Variants in FMN1 observed in about 807,000 individuals in gnomAD.
FMN1 encodes the protein formin-1.
FMN1 carries 110 observed loss-of-function variants against 132.4 expected under a neutral mutation model. The ratio of observed to expected loss-of-function variants is 0.83; its 90% CI spans 0.71 to 0.97. The LOEUF is 0.97. Among genes scored for constraint, FMN1 ranks in the 50% least tolerant of loss-of-function variants. The pLI, the probability that FMN1 is intolerant of heterozygous loss-of-function variation, is 0.00. For synonymous variants in FMN1, 722 were observed against 651.7 expected (o/e 1.11, Z -1.64); for missense variants, 1,792 against 1,705.3 (o/e 1.05, Z -0.90).
intron 11 of FMN1, 142 bp from the exon 12 acceptor site, chr15:32,908,720 A>T: frequency 3.3e-6 from 2 of 607,994 alleles, no homozygotes; most frequent in Non-Finnish European, 5.7e-6. Context: ...ACTTGTCAGA[A>T]ATGCAAATTA....
intron 9 of FMN1, among the ~76,000 whole-genome samples, chr15:32,949,561 G>A (rs916133256): frequency 2.6e-5 from 4 of 151,792 alleles, no homozygotes; most frequent in African/African-American, 9.7e-5. Flanking sequence ...AATTCAAGAT[G>A]GATTAAACAT....
At chr15:32,829,231 A>C (rs1366270716) in intron 17 of FMN1, among the ~76,000 whole-genome samples, 1 of 152,242 alleles carries the variant, frequency 6.6e-6, no homozygotes, top group Admixed American at 6.5e-5. Flanking sequence ...TTTGCCATGC[A>C]ATATATAATC....
rs575486046 is a variant in FMN1, at chr15:32,930,450, AG to A, written c.3139-4190del. ...GACAGTGGCCATTCTGACACGTGTG[AG>A]GGGTTATCTCATTGTGATTTTGAAT... On this transcript the variant is annotated intron_variant, in intron 9 of 20. Transcript: ENST00000616417. Among the ~76,000 whole-genome samples, 168 of 150,596 alleles carry A rather than the reference AG, an allele frequency of 1.1e-3. 1 individual carries two copies. The highest frequency in any genetic ancestry group is 4.0e-3 in the African/African-American group (162 of 40,906).
At chr15:33,016,535 G>A (rs1242354732) in intron 6 of FMN1, among the ~76,000 whole-genome samples, 2 of 152,180 alleles carry the variant, frequency 1.3e-5, no homozygotes, top group African/African-American at 2.4e-5. Flanking sequence ...AACAGTGGAG[G>A]TAGATTCAAA....
intron 16 of FMN1, among the ~76,000 whole-genome samples, chr15:32,862,560 T>C (rs965217334): frequency 2.0e-5 from 3 of 152,198 alleles, no homozygotes; most frequent in African/African-American, 7.2e-5. Context: ...TTTCAGATAT[T>C]AGGCTGTTAA....
chr15:32,915,528 G>A (rs1993133), intron 10 of FMN1, among the ~76,000 whole-genome samples: 39,419 of 152,172 alleles, frequency 0.26, 5,531 homozygotes, highest in Non-Finnish European at 0.32. Flanking sequence ...CTCACTTTCT[G>A]TCTCTGTCTC....
At chr15:33,179,398 A>C (rs941200428) in intron 3 of FMN1, among the ~76,000 whole-genome samples, 2 of 152,206 alleles carry the variant, frequency 1.3e-5, no homozygotes, top group African/African-American at 4.8e-5. Context: ...TGAAAAAAAT[A>C]TATTTTTGCT....
intron 7 of FMN1, among the ~76,000 whole-genome samples, chr15:33,004,611 AT>A (rs1158293299): frequency 1.3e-5 from 2 of 152,212 alleles, no homozygotes; most frequent in African/African-American, 4.8e-5. Context: ...CAGTTCAACC[AT>A]TGTGGAAGTC....
chr15:33,091,276 CACAT>C (rs1313524176), intron 4 of FMN1, among the ~76,000 whole-genome samples: 2 of 152,156 alleles, frequency 1.3e-5, no homozygotes, highest in African/African-American at 2.4e-5. Flanking sequence ...CCTTGAAACA[CACAT>C]GCATGCATAT....
At chr15:32,994,322 G>T (rs2140875031) in intron 7 of FMN1, among the ~76,000 whole-genome samples, 1 of 151,754 alleles carries the variant, frequency 6.6e-6, no homozygotes, top group South Asian at 2.1e-4. Context: ...GTATAAAAAG[G>T]TTGAAAAAAT....
intron 16 of FMN1, among the ~76,000 whole-genome samples, chr15:32,868,032 T>C (rs1260494875): frequency 6.6e-6 from 1 of 152,196 alleles, no homozygotes; most frequent in Non-Finnish European, 1.5e-5. Flanking sequence ...AACTTACACA[T>C]GTGCAGTATG....
intron 4 of FMN1, among the ~76,000 whole-genome samples, chr15:33,109,521 G>A (rs143741806): frequency 0.04 from 6,137 of 152,110 alleles, 147 homozygotes; most frequent in South Asian, 0.098. Flanking sequence ...AAAAAAGAAT[G>A]AAATCATGTC....
intron 7 of FMN1, among the ~76,000 whole-genome samples, chr15:32,974,635 G>C (rs1275120310): frequency 6.6e-6 from 1 of 152,322 alleles, no homozygotes; most frequent in South Asian, 2.1e-4. Context: ...TAATCAATCT[G>C]AGATGATGCC....
At chr15:33,191,651 C>A (rs1966083068) in intron 2 of FMN1, among the ~76,000 whole-genome samples, 1 of 152,214 alleles carries the variant, frequency 6.6e-6, no homozygotes, top group Non-Finnish European at 1.5e-5. Flanking sequence ...CAGACCCTTG[C>A]TTTTATGCGC....
rs114145703 is a variant in FMN1 at position 32,847,958 on chromosome 15, T to C, written c.3928+9057A>G. ...GATCTCAAGATATAAATGACTGAGA[T>C]TTGGTTCTATGTTTGTGATTAGGTT... On this transcript the variant is annotated intron_variant, in intron 17 of 20. Coordinates refer to ENST00000616417, the MANE Select transcript of FMN1 (RefSeq NM_001277313.2). Among the ~76,000 whole-genome samples the C allele has an allele frequency of 6.2e-3, 938 of 152,130 alleles. 9 individuals are homozygous for C. Among genetic ancestry groups the C allele is most frequent in the African/African-American group, 0.015 (638 of 41,498 alleles).
intron 17 of FMN1, among the ~76,000 whole-genome samples, chr15:32,843,336 C>A (rs1392580078): frequency 6.6e-6 from 1 of 152,178 alleles, no homozygotes; most frequent in Non-Finnish European, 1.5e-5. Flanking sequence ...ACGCTGGAAC[C>A]TATTTCACAT....
At chr15:33,116,275 C>CT (rs1227821710) in intron 4 of FMN1, among the ~76,000 whole-genome samples, 4 of 152,182 alleles carry the variant, frequency 2.6e-5, no homozygotes, top group African/African-American at 9.7e-5. Flanking sequence ...TTATAAAACT[C>CT]TTTTAAAGTA....
chr15:33,031,843 A>G (rs1714253262), intron 6 of FMN1, among the ~76,000 whole-genome samples: 1 of 152,264 alleles, frequency 6.6e-6, no homozygotes, highest in South Asian at 2.1e-4. Context: ...TGTCCTATAA[A>G]TATATGAACA....
chr15:32,929,542 CT>C (rs2061051949), intron 9 of FMN1, among the ~76,000 whole-genome samples: 4 of 152,148 alleles, frequency 2.6e-5, no homozygotes, highest in Admixed American at 2.6e-4. Flanking sequence ...ACTTTTTCAC[CT>C]TGCGTAACAG....
Sources: gnomAD v4.1 joint callset for allele counts (sites outside exome capture counted in the v4.1 genomes callset) on GRCh38, gnomAD v4.1.1 for gene constraint, MANE v1.5 for transcripts, NCBI Gene and HGNC (gene_info 2026-07-23, HGNC 2026-07-21) for gene names.